Variants in SYNE2 observed in about 807,000 individuals in gnomAD.
The protein encoded by SYNE2 is nesprin-2.
SYNE2 carries 431 observed loss-of-function variants against 856.3 expected under a neutral mutation model. The observed-to-expected ratio is 0.50, with a 90% CI of 0.47 to 0.55. SYNE2 has a LOEUF of 0.55. Among genes scored for constraint, SYNE2 ranks in the 20% least tolerant of loss-of-function variants. The probability of loss-of-function intolerance (pLI) is 0.00; values close to 1 mark genes in which losing one functional copy is unlikely to be tolerated. For missense variants in SYNE2, 8,129 were observed against 8,023.2 expected (o/e 1.01, Z -0.50); for synonymous variants, 2,923 against 2,872.3 (o/e 1.02, Z -0.56).
At chr14:63,997,235 G>A in intron 24 of SYNE2, 66 bp from the exon 25 acceptor site, 1 of 1,582,700 alleles carries the variant, frequency 6.3e-7, no homozygotes, top group Non-Finnish European at 8.7e-7. Flanking sequence ...TTAAGCGTTA[G>A]TCATGCTTGT....
chr14:63,974,738 A>G (rs1293990371), intron 11 of SYNE2, among the ~76,000 whole-genome samples: 1 of 148,458 alleles, frequency 6.7e-6, no homozygotes, highest in East Asian at 2.0e-4. Flanking sequence ...ATATATACAT[A>G]TACATATATA....
intron 10 of SYNE2, among the ~76,000 whole-genome samples, chr14:63,966,344 G>C (rs1345768697): frequency 2.0e-5 from 3 of 150,176 alleles, no homozygotes; most frequent in Non-Finnish European, 4.4e-5. Flanking sequence ...GTGAAACCTT[G>C]TATCTACAAA....
At chr14:64,015,856 C>T (rs1951932007) in intron 32 of SYNE2, among the ~76,000 whole-genome samples, 1 of 152,018 alleles carries the variant, frequency 6.6e-6, no homozygotes, top group Non-Finnish European at 1.5e-5. Flanking sequence ...AATACTTTGA[C>T]TGTGCTATAC....
In SYNE2 at chr14:64,226,336, ACGGCGGGGGTGG is replaced by A. The variant is rs1441277419; in HGVS notation, c.*811_*822del. 1 of 99,520 alleles carries A rather than the reference ACGGCGGGGGTGG, an allele frequency of 1.0e-5. No individual in the cohort carries two copies. The highest frequency in any genetic ancestry group is 1.9e-5 in the Non-Finnish European group (1 of 52,510). 6.2% of individuals were successfully genotyped at this position (99,520 alleles called of 1,614,324 possible). A position where few individuals can be genotyped will look rare whatever the true frequency, so the allele number is the denominator to read the frequency against. ...TGCTTTGGGTTTTAACTGTTTGGCC[ACGGCGGGGGTGG>A]GGGCGGGGGGTTGGTACAGAAACTT... On this transcript the variant is annotated 3_prime_UTR_variant, in exon 116 of 116. Transcript: ENST00000555002.
intron 1 of SYNE2, among the ~76,000 whole-genome samples, chr14:63,894,963 C>T (rs559154943): frequency 5.3e-5 from 8 of 152,248 alleles, no homozygotes; most frequent in South Asian, 2.1e-4. Flanking sequence ...CTGTGTTTTC[C>T]GTAGGGATGC....
intron 3 of SYNE2, 98 bp downstream of exon 3, chr14:63,940,773 G>T (rs2095903272): frequency 2.0e-6 from 2 of 1,019,010 alleles, no homozygotes; most frequent in Non-Finnish European, 3.1e-6. Flanking sequence ...AATGGTACTG[G>T]TGATGACAGG....
intron 11 of SYNE2, among the ~76,000 whole-genome samples, chr14:63,970,651 C>CTTTTT (rs61126600): frequency 2.3e-3 from 229 of 98,562 alleles, no homozygotes; most frequent in East Asian, 3.8e-3. Flanking sequence ...TTTCTTTTTT[C>CTTTTT]TTTTTTTTTT....
At chr14:63,793,352 C>G (rs1887800471) in intron 1 of SYNE2, among the ~76,000 whole-genome samples, 3 of 152,214 alleles carry the variant, frequency 2.0e-5, no homozygotes, top group Non-Finnish European at 1.5e-5. Flanking sequence ...TAATTGATTA[C>G]CTGTGTGTCA....
intron 1 of SYNE2, among the ~76,000 whole-genome samples, chr14:63,784,461 C>T (rs1005652857): frequency 7.9e-5 from 12 of 151,920 alleles, no homozygotes. Context: ...CGTGCCACTG[C>T]GCTCCAGCCT....
At chr14:64,192,149 A>C (rs1411657968) in intron 99 of SYNE2, among the ~76,000 whole-genome samples, 1 of 152,218 alleles carries the variant, frequency 6.6e-6, no homozygotes, top group Admixed American at 6.5e-5. Context: ...GAGGCCTGCA[A>C]CTGGACTACC....
rs1016147685 is a variant in SYNE2 at position 64,215,433 on chromosome 14, G to A, written c.19402+79G>A. 37 of 1,405,386 alleles carry A rather than the reference G, an allele frequency of 2.6e-5. 1 individual carries two copies. The highest frequency in any genetic ancestry group is 2.4e-4 in the African/African-American group (17 of 70,688). 87.1% of individuals were successfully genotyped at this position (1,405,386 alleles called of 1,614,324 possible). On this transcript the variant is annotated intron_variant, in intron 107 of 115. Coordinates refer to ENST00000555002, the MANE Select transcript of SYNE2 (RefSeq NM_182914.3). ...GCATCCTCAACCTCGCTCCCATGTCGTGTCTACCTCTGCCTTCTGTGGACA... is the reference window on the plus strand; with the variant it reads ...GCATCCTCAACCTCGCTCCCATGTCATGTCTACCTCTGCCTTCTGTGGACA...
At chr14:63,800,694 A>G (rs1223947351) in intron 1 of SYNE2, among the ~76,000 whole-genome samples, 2 of 152,246 alleles carry the variant, frequency 1.3e-5, no homozygotes, top group African/African-American at 2.4e-5. Flanking sequence ...CATTATTCCT[A>G]GCAAACTAAT....
intron 23 of SYNE2, among the ~76,000 whole-genome samples, chr14:63,995,988 G>A (rs190306226): frequency 2.3e-4 from 35 of 152,190 alleles, no homozygotes; most frequent in African/African-American, 5.8e-4. Flanking sequence ...ATGATAGTGC[G>A]TCAATTTTTC....
Position 64,101,915 on chromosome 14 carries a change from A to G in SYNE2, c.12382-17A>G, listed in dbSNP as rs377134707. On this transcript the variant is annotated splice_polypyrimidine_tract_variant and intron_variant, in intron 63 of 115. Transcript: ENST00000555002. The stretch of plus-strand genomic sequence containing the variant: ...GGGAAGCTCTTCCCTTTGCTAACCA[A>G]TCGTTTACTGTGATAGAATGGAGAT... The G allele has an allele frequency of 2.6e-5, 42 of 1,594,918 alleles. No homozygotes were observed. Among genetic ancestry groups the G allele is most frequent in the South Asian group, 2.5e-4 (23 of 90,704 alleles).
At chr14:63,778,464 G>A (rs908047979) in intron 1 of SYNE2, among the ~76,000 whole-genome samples, 2 of 152,002 alleles carry the variant, frequency 1.3e-5, no homozygotes, top group African/African-American at 4.8e-5. Context: ...ACATCATGTT[G>A]TACACCATCA....
chr14:63,814,703 T>A (rs1222215334), intron 1 of SYNE2, among the ~76,000 whole-genome samples: 1 of 135,034 alleles, frequency 7.4e-6, no homozygotes, highest in East Asian at 2.1e-4. Flanking sequence ...TATATATCCA[T>A]ATATATCCAT....
chr14:64,049,374 G>A (rs2097207915), intron 46 of SYNE2: 1 of 169,694 alleles, frequency 5.9e-6, no homozygotes, highest in African/African-American at 2.4e-5. Flanking sequence ...CTGAGCCCAG[G>A]AATCTTAGGT....
chr14:63,943,570 T>A (rs1032028247), intron 6 of SYNE2, among the ~76,000 whole-genome samples: 1 of 152,080 alleles, frequency 6.6e-6, no homozygotes, highest in African/African-American at 2.4e-5. Flanking sequence ...TAAATTTAAG[T>A]TGTGTGTTTT....
In SYNE2 at chr14:64,131,783, A is replaced by G. The variant is rs185645918; in HGVS notation, c.14341-482A>G. 3.4e-3 allele frequency among the ~76,000 whole-genome samples: 513 copies of G among 152,272 alleles called. 3 individuals carry two copies. Among genetic ancestry groups the G allele is most frequent in the African/African-American group, 0.012 (497 of 41,534 alleles). On this transcript the variant is annotated intron_variant, in intron 76 of 115. Coordinates refer to ENST00000555002, the MANE Select transcript of SYNE2 (RefSeq NM_182914.3). ...TTTTGTAGCATTTAGACTCAAAACA[A>G]CTGATTTAGAAAGATCTATCTGGAA...
Sources: allele counts gnomAD v4.1 joint callset (sites outside exome capture counted in the v4.1 genomes callset), GRCh38; gene constraint gnomAD v4.1.1; transcripts MANE v1.5; gene names NCBI Gene and HGNC (gene_info 2026-07-23, HGNC 2026-07-21).